The following IKZF2 variants were observed in gnomAD, a reference collection of about 807,000 sequenced individuals.
IKZF2 encodes zinc finger protein Helios.
Under a neutral mutation model 49.2 loss-of-function variants are expected in IKZF2, and 15 were observed. The ratio of observed to expected loss-of-function variants is 0.30; its 90% confidence interval spans 0.20 to 0.47. The LOEUF is 0.47. IKZF2 is among the 20% of genes least tolerant of loss of function. The pLI is 1.00. For missense variants in IKZF2, 567 were observed against 664.6 expected (o/e 0.85, Z 1.61); for synonymous variants, 227 against 221.4 (o/e 1.03, Z -0.23).
At chr2:213,115,012 C>G (rs1046047612) in intron 4 of IKZF2, among the ~76,000 whole-genome samples, 4 of 151,946 alleles carry the variant, frequency 2.6e-5, no homozygotes, top group African/African-American at 9.7e-5. Flanking sequence ...AAAGTTACAA[C>G]AGTGTAGTTT....
intron 4 of IKZF2, among the ~76,000 whole-genome samples, chr2:213,076,121 A>AC (rs1703233510): frequency 6.6e-6 from 1 of 151,774 alleles, no homozygotes; most frequent in Non-Finnish European, 1.5e-5. Context: ...ACTAAACAGG[A>AC]TTTTTTTTAA....
At chr2:213,066,057 T>C (rs990115176) in intron 4 of IKZF2, among the ~76,000 whole-genome samples, 4 of 152,114 alleles carry the variant, frequency 2.6e-5, no homozygotes, top group Non-Finnish European at 5.9e-5. Context: ...AACTGGTGTT[T>C]GGCAACCATC....
At chr2:213,030,983 G>A (rs936422533) in intron 6 of IKZF2, among the ~76,000 whole-genome samples, 1 of 151,932 alleles carries the variant, frequency 6.6e-6, no homozygotes, top group Non-Finnish European at 1.5e-5. Flanking sequence ...GTGCCACCAC[G>A]TCTGGCTAAT....
chr2:213,132,513 C>T (rs1171874630), intron 4 of IKZF2, among the ~76,000 whole-genome samples: 2 of 152,040 alleles, frequency 1.3e-5, no homozygotes, highest in Admixed American at 6.6e-5. Context: ...AAGAACACTG[C>T]TGGGGTATGT....
In IKZF2 at chr2:213,005,191, T is replaced by TTGGG. The variant is rs1553539345; in HGVS notation, c.*2168_*2169insCCCA. 2.6e-5 allele frequency: 2 copies of TTGGG among 76,786 alleles called. No homozygotes were observed. Among genetic ancestry groups the TTGGG allele is most frequent in the East Asian group, 4.9e-4 (1 of 2,040 alleles). The allele number at this position is 76,786 out of a possible 1,614,324, so 4.8% of individuals were successfully genotyped here. ...CAATTATTATTTGGGAGTGGTTGGG[T>TTGGG]GGGGGGGGGTGAGCGAGTCTCAAAA... On this transcript the variant is annotated 3_prime_UTR_variant, in exon 9 of 9. Transcript: ENST00000434687.
intron 6 of IKZF2, among the ~76,000 whole-genome samples, chr2:213,034,744 T>C (rs1379224261): frequency 6.6e-6 from 1 of 152,186 alleles, no homozygotes; most frequent in Non-Finnish European, 1.5e-5. Flanking sequence ...TTGCAAGAAT[T>C]ATTTAAATGT....
At chr2:213,041,345 G>GC (rs200117059) in intron 6 of IKZF2, among the ~76,000 whole-genome samples, 4 of 150,566 alleles carry the variant, frequency 2.7e-5, no homozygotes, top group Admixed American at 6.6e-5. Flanking sequence ...TTTTTGGGGG[G>GC]GGTGGGAGGA....
intron 4 of IKZF2, among the ~76,000 whole-genome samples, chr2:213,109,947 G>T (rs2059647229): frequency 6.6e-6 from 1 of 151,854 alleles, no homozygotes; most frequent in Non-Finnish European, 1.5e-5. Flanking sequence ...AGGAAACAAA[G>T]ATATAAAATG....
chr2:213,023,991 A>G (rs1306626723), intron 6 of IKZF2, among the ~76,000 whole-genome samples: 1 of 151,976 alleles, frequency 6.6e-6, no homozygotes. Context: ...AAAAGTCCCA[A>G]CTCACCTGAT....
chr2:213,008,108 G>C, intron 8 of IKZF2, 24 bp from the exon 9 acceptor site: 2 of 1,338,256 alleles, frequency 1.5e-6, no homozygotes, highest in South Asian at 4.2e-5. Context: ...GGAGGTGAAA[G>C]AAGTAAAAAA....
intron 4 of IKZF2, among the ~76,000 whole-genome samples, chr2:213,073,994 A>G (rs1372947762): frequency 6.6e-6 from 1 of 152,224 alleles, no homozygotes; most frequent in African/African-American, 2.4e-5. Context: ...CAAACTGAGA[A>G]AGTGACAATA....
intron 4 of IKZF2, among the ~76,000 whole-genome samples, chr2:213,094,516 C>T (rs1195007204): frequency 6.6e-6 from 1 of 152,000 alleles, no homozygotes; most frequent in Non-Finnish European, 1.5e-5. Flanking sequence ...ATCTGAGACC[C>T]CCCTAGCCTG....
rs149815196 is a variant in IKZF2 at position 213,004,040 on chromosome 2, A to G, written c.*3320T>C. The G allele has an allele frequency of 6.6e-6, 1 of 151,982 alleles. No homozygotes were observed. The highest frequency in any genetic ancestry group is 1.9e-4 in the East Asian group (1 of 5,156). The allele number at this position is 151,982 out of a possible 1,614,324, so 9.4% of individuals were successfully genotyped here. A position where few individuals can be genotyped will look rare whatever the true frequency, so the allele number is the denominator to read the frequency against. On this transcript the variant is annotated 3_prime_UTR_variant, in exon 9 of 9. Coordinates refer to ENST00000434687, the MANE Select transcript of IKZF2 (RefSeq NM_001387220.1). ...CTTTAGTGATTCCTATTACGACCTG[A>G]TAAAGTAAACCCAACTAATTTCTTG... is the stretch of plus-strand genomic sequence containing the variant.
At chr2:213,109,165 T>C (rs2059623129) in intron 4 of IKZF2, among the ~76,000 whole-genome samples, 1 of 152,100 alleles carries the variant, frequency 6.6e-6, no homozygotes, top group South Asian at 2.1e-4. Flanking sequence ...AATAATCACT[T>C]TGAGGAGACT....
chr2:213,094,624 G>T (rs1418010226), intron 4 of IKZF2, among the ~76,000 whole-genome samples: 2 of 152,128 alleles, frequency 1.3e-5, no homozygotes, highest in Non-Finnish European at 2.9e-5. Flanking sequence ...TACCCACAAA[G>T]CTCTTGGGAT....
rs552684692 is a variant in IKZF2, at chr2:213,001,246, C to A, written c.*6114G>T. The stretch of plus-strand genomic sequence containing the variant: ...AAATATGGGGCCTGGAGACCCCCTC[C>A]AAACCTGGAATATTATTATAGTAAT... On this transcript the variant is annotated 3_prime_UTR_variant, in exon 9 of 9. Coordinates refer to ENST00000434687, the MANE Select transcript of IKZF2 (RefSeq NM_001387220.1). 103 of 151,992 alleles carry A rather than the reference C, an allele frequency of 6.8e-4. No homozygotes were observed. Among genetic ancestry groups the A allele is most frequent in the Non-Finnish European group, 5.9e-5 (4 of 67,532 alleles). 9.4% of individuals were successfully genotyped at this position (151,992 alleles called of 1,614,324 possible).
chr2:213,098,667 GA>G (rs1034868896), intron 4 of IKZF2, among the ~76,000 whole-genome samples: 3 of 152,028 alleles, frequency 2.0e-5, no homozygotes, highest in African/African-American at 7.2e-5. Context: ...CAGACAGCAG[GA>G]AAAAAAATAT....
chr2:213,004,338 C>T lies in IKZF2; in HGVS notation c.*3022G>A, dbSNP rs770948157. 1 of 151,702 alleles carries T rather than the reference C, an allele frequency of 6.6e-6. No homozygotes were observed. The highest frequency in any genetic ancestry group is 1.5e-5 in the Non-Finnish European group (1 of 67,824). 9.4% of individuals were successfully genotyped at this position (151,702 alleles called of 1,614,324 possible). ...CAATGACTTGAAATTTCTTCCAATC[C>T]GCCTACTGATCCCTTTCCCTGTCTT... On this transcript the variant is annotated 3_prime_UTR_variant, in exon 9 of 9. Transcript: ENST00000434687.
In IKZF2 at chr2:213,014,027, A is replaced by T. The variant is rs772299254; in HGVS notation, c.713-93T>A. 1.5e-5 allele frequency: 18 copies of T among 1,196,796 alleles called. No homozygotes were observed. The Admixed American group carries it at 2.3e-4, about 15-fold the overall frequency. The allele number at this position is 1,196,796 out of a possible 1,614,324, so 74.1% of individuals were successfully genotyped here. ...TATGCCATCTCGATATGTGTTATAA[A>T]AGCTAGTATGCTTCAGTAGAAGCAA... On this transcript the variant is annotated intron_variant, in intron 7 of 8. Coordinates refer to ENST00000434687, the MANE Select transcript of IKZF2 (RefSeq NM_001387220.1).
Sources: allele counts gnomAD v4.1 joint callset (sites outside exome capture counted in the v4.1 genomes callset), GRCh38; gene constraint gnomAD v4.1.1; transcripts MANE v1.5; gene names NCBI Gene and HGNC (gene_info 2026-07-23, HGNC 2026-07-21).